GRID2: variants seen among roughly 807,000 people sequenced by gnomAD.
GRID2 encodes glutamate ionotropic receptor delta type subunit 2.
In GRID2, 33 loss-of-function variants were observed where a neutral mutation model predicts 114.8. The observed-to-expected ratio is 0.29, with a 90% CI of 0.22 to 0.38. GRID2 has a LOEUF of 0.38. Ranked by LOEUF, GRID2 falls within the 10% of genes least tolerant of loss-of-function variation. The pLI is 1.00. For synonymous variants in GRID2, 505 were observed against 449.9 expected, an observed-to-expected ratio of 1.12 and a Z score of -1.55; for missense variants, 1,184 against 1,257.7, an observed-to-expected ratio of 0.94 and a Z score of 0.89.
chr4:92,740,605 C>T (rs1231591987), intron 2 of GRID2, among the ~76,000 whole-genome samples: 1 of 152,086 alleles, frequency 6.6e-6, no homozygotes, highest in Non-Finnish European at 1.5e-5. Flanking sequence ...TATAATTAAT[C>T]TCAGATTTCT....
chr4:92,975,475 T>A (rs988833591), intron 2 of GRID2, among the ~76,000 whole-genome samples: 2 of 152,032 alleles, frequency 1.3e-5, no homozygotes, highest in African/African-American at 4.8e-5. Flanking sequence ...CTTATATGTA[T>A]CAGTACTTAT....
chr4:92,506,895 A>G (rs1724002951), intron 1 of GRID2, among the ~76,000 whole-genome samples: 1 of 151,836 alleles, frequency 6.6e-6, no homozygotes. Flanking sequence ...ATTTTTTCTA[A>G]TATGTCTTTT....
At chr4:92,526,392 G>A (rs752277925) in intron 1 of GRID2, among the ~76,000 whole-genome samples, 8 of 152,136 alleles carry the variant, frequency 5.3e-5, no homozygotes, top group South Asian at 2.1e-4. Context: ...TGCCCAGGCA[G>A]GAGTGCAATG....
chr4:93,584,943 G>A (rs1737378834), intron 13 of GRID2, among the ~76,000 whole-genome samples: 6 of 152,050 alleles, frequency 3.9e-5, no homozygotes, highest in Admixed American at 3.9e-4. Context: ...TTGTCGTGGT[G>A]GAGAAGGACT....
chr4:93,401,289 G>A (rs191444248), intron 9 of GRID2, among the ~76,000 whole-genome samples: 2 of 151,920 alleles, frequency 1.3e-5, no homozygotes, highest in African/African-American at 4.8e-5. Context: ...ATGACTGGAA[G>A]TCTATAGTAA....
At chr4:93,516,907 G>T (rs571379350) in intron 13 of GRID2, among the ~76,000 whole-genome samples, 14 of 152,112 alleles carry the variant, frequency 9.2e-5, no homozygotes, top group Admixed American at 6.6e-4. Flanking sequence ...AGGAGCCAAA[G>T]CTCCCCCTGC....
downstream of GRID2, among the ~76,000 whole-genome samples, chr4:93,777,300 C>T (rs1191505846): frequency 6.6e-6 from 1 of 152,188 alleles, no homozygotes; most frequent in African/African-American, 2.4e-5. Context: ...ATTCCTATGT[C>T]GTCAATAGTA....
At chr4:92,688,662 T>C (rs1022880315) in intron 2 of GRID2, among the ~76,000 whole-genome samples, 2 of 152,190 alleles carry the variant, frequency 1.3e-5, no homozygotes, top group Non-Finnish European at 2.9e-5. Flanking sequence ...TCTTGCTGTT[T>C]CCACCACATC....
intron 6 of GRID2, among the ~76,000 whole-genome samples, chr4:93,220,990 T>A (rs1338010996): frequency 1.3e-5 from 2 of 152,124 alleles, no homozygotes; most frequent in African/African-American, 4.8e-5. Flanking sequence ...AAAGCACAGA[T>A]AAAGTATAGG....
chr4:92,825,261 A>G (rs993464107), intron 2 of GRID2, among the ~76,000 whole-genome samples: 3 of 152,266 alleles, frequency 2.0e-5, no homozygotes, highest in Non-Finnish European at 4.4e-5. Context: ...CTCAAGGATG[A>G]TGAACAGAAA....
chr4:92,802,676 A>T (rs150818756), intron 2 of GRID2, among the ~76,000 whole-genome samples: 2 of 151,902 alleles, frequency 1.3e-5, no homozygotes, highest in African/African-American at 4.8e-5. Context: ...ATTTGGATCT[A>T]TTTGTGGGCT....
chr4:93,661,613 C>T (rs115811645), intron 14 of GRID2, among the ~76,000 whole-genome samples: 164 of 152,200 alleles, frequency 1.1e-3, no homozygotes, highest in Non-Finnish European at 2.0e-3. Flanking sequence ...AACAAGTTTA[C>T]GGGTTAATCT....
Position 93,538,306 on chromosome 4 carries a change from G to T in GRID2, c.2193+22895G>T, listed in dbSNP as rs575498672. ...AAGTGGAAACACTTTCTCATGGCCAGAACAGAAATAACACAAGAAAGATGA... is the reference window on the plus strand; with the variant it reads ...AAGTGGAAACACTTTCTCATGGCCATAACAGAAATAACACAAGAAAGATGA... On this transcript the variant is annotated intron_variant, in intron 13 of 15. Coordinates refer to ENST00000282020, the MANE Select transcript of GRID2 (RefSeq NM_001510.4). Among the ~76,000 whole-genome samples the T allele has an allele frequency of 4.6e-5, 7 of 151,714 alleles. No individual in the cohort carries two copies. In the South Asian group the frequency reaches 1.5e-3, roughly 31 times the overall value.
chr4:92,691,864 C>A (rs957984645), intron 2 of GRID2, among the ~76,000 whole-genome samples: 3 of 151,682 alleles, frequency 2.0e-5, no homozygotes, highest in African/African-American at 4.9e-5. Flanking sequence ...TTTTTATAAC[C>A]ATTATATTTT....
intron 14 of GRID2, among the ~76,000 whole-genome samples, chr4:93,762,271 G>A (rs1193777248): frequency 6.6e-6 from 1 of 152,068 alleles, no homozygotes; most frequent in Admixed American, 6.6e-5. Context: ...ACATTAAACA[G>A]TATTGAGTAA....
intron 2 of GRID2, among the ~76,000 whole-genome samples, chr4:92,991,602 G>A (rs534722827): frequency 6.6e-6 from 1 of 152,166 alleles, no homozygotes; most frequent in South Asian, 2.1e-4. Flanking sequence ...GCTAAGTATA[G>A]GATAGGCAAC....
At chr4:93,623,565 G>C (rs1279954430) in intron 13 of GRID2, among the ~76,000 whole-genome samples, 1 of 152,154 alleles carries the variant, frequency 6.6e-6, no homozygotes. Flanking sequence ...ATTCACAATA[G>C]CAAAGACTTG....
intron 1 of GRID2, among the ~76,000 whole-genome samples, chr4:92,449,556 C>A (rs1284698892): frequency 6.6e-6 from 1 of 150,758 alleles, no homozygotes; most frequent in African/African-American, 2.4e-5. Flanking sequence ...TTTGTATACA[C>A]TCTTCATATA....
chr4:92,433,613 G>A (rs757348572), intron 1 of GRID2, among the ~76,000 whole-genome samples: 49 of 152,148 alleles, frequency 3.2e-4, no homozygotes, highest in Non-Finnish European at 5.7e-4. Flanking sequence ...GGGGAGGGGT[G>A]GCATTAGCAA....
Sources: gnomAD v4.1 joint callset for allele counts (sites outside exome capture counted in the v4.1 genomes callset) on GRCh38, gnomAD v4.1.1 for gene constraint, MANE v1.5 for transcripts, NCBI Gene and HGNC (gene_info 2026-07-23, HGNC 2026-07-21) for gene names.